IMMP2L: variants seen among roughly 807,000 people sequenced by gnomAD.
IMMP2L encodes inner mitochondrial membrane peptidase subunit 2.
Under a neutral mutation model 19.3 loss-of-function variants are expected in IMMP2L, and 18 were observed. The observed-to-expected ratio is 0.93, with a 90% CI of 0.64 to 1.38. The LOEUF (loss-of-function observed/expected upper bound fraction) is 1.38, where lower values mean the gene tolerates loss of function less well. Among genes scored for constraint, IMMP2L ranks in the 40% most tolerant of loss-of-function variants. The pLI is 0.00. For synonymous variants in IMMP2L, 76 were observed against 73.0 expected (o/e 1.04, Z -0.21); for missense variants, 233 against 218.2 (o/e 1.07, Z -0.43).
At chr7:111,559,286 T>G (rs963788071) in intron 1 of IMMP2L, among the ~76,000 whole-genome samples, 1 of 152,198 alleles carries the variant, frequency 6.6e-6, no homozygotes, top group Non-Finnish European at 1.5e-5. Context: ...AGCTGTATAT[T>G]AAATCCACAA....
At chr7:111,092,426 T>C (rs905631050) in intron 3 of IMMP2L, among the ~76,000 whole-genome samples, 4 of 152,212 alleles carry the variant, frequency 2.6e-5, no homozygotes, top group Admixed American at 1.3e-4. Flanking sequence ...TAACAATATG[T>C]CCTTGTTTCT....
chr7:111,134,762 AT>A (rs1196341887), intron 3 of IMMP2L, among the ~76,000 whole-genome samples: 1 of 152,104 alleles, frequency 6.6e-6, no homozygotes, highest in Non-Finnish European at 1.5e-5. Flanking sequence ...CAAAAAATAA[AT>A]AGGATAAAAG....
intron 1 of IMMP2L, among the ~76,000 whole-genome samples, chr7:111,526,457 T>C (rs1332912760): frequency 1.3e-5 from 2 of 152,292 alleles, no homozygotes; most frequent in Middle Eastern, 3.4e-3. Flanking sequence ...ATTTTCTTCT[T>C]TGAATTTTTG....
At chr7:111,549,401 G>T (rs1849234619) in intron 1 of IMMP2L, among the ~76,000 whole-genome samples, 1 of 152,090 alleles carries the variant, frequency 6.6e-6, no homozygotes, top group Non-Finnish European at 1.5e-5. Flanking sequence ...TGTTCACATA[G>T]GTAATAACAG....
intron 3 of IMMP2L, among the ~76,000 whole-genome samples, chr7:111,153,600 C>A (rs1203300976): frequency 6.6e-6 from 1 of 151,972 alleles, no homozygotes; most frequent in African/African-American, 2.4e-5. Flanking sequence ...TTTTTCTTTA[C>A]TTATACTGTA....
At chr7:111,056,585 G>C (rs61543979) in intron 3 of IMMP2L, among the ~76,000 whole-genome samples, 1 of 152,284 alleles carries the variant, frequency 6.6e-6, no homozygotes, top group South Asian at 2.1e-4. Flanking sequence ...TGCACTATCA[G>C]AAATCCATGT....
At chr7:110,857,165 T>C (rs2131566202) in intron 5 of IMMP2L, among the ~76,000 whole-genome samples, 1 of 152,208 alleles carries the variant, frequency 6.6e-6, no homozygotes, top group South Asian at 2.1e-4. Context: ...GTCTGATTTG[T>C]TCTAACTTGA....
chr7:111,296,631 T>C (rs1438485597), intron 3 of IMMP2L, among the ~76,000 whole-genome samples: 2 of 151,134 alleles, frequency 1.3e-5, no homozygotes, highest in Non-Finnish European at 3.0e-5. Context: ...TAAAAAAAAA[T>C]AGAAAACAAA....
chr7:111,089,190 T>C (rs924072524), intron 3 of IMMP2L, among the ~76,000 whole-genome samples: 1 of 152,126 alleles, frequency 6.6e-6, no homozygotes, highest in East Asian at 1.9e-4. Context: ...AAAAGATTTT[T>C]TCTTGATTTC....
intron 3 of IMMP2L, among the ~76,000 whole-genome samples, chr7:111,293,946 C>T (rs572196281): frequency 1.3e-5 from 2 of 152,084 alleles, no homozygotes; most frequent in South Asian, 4.1e-4. Context: ...TAGGTCATCA[C>T]TAGCATTTAT....
chr7:111,380,211 G>A (rs1317456543), intron 3 of IMMP2L, among the ~76,000 whole-genome samples: 1 of 151,684 alleles, frequency 6.6e-6, no homozygotes, highest in Non-Finnish European at 1.5e-5. Flanking sequence ...TCATATGAAG[G>A]CCCCGCCATG....
intron 3 of IMMP2L, among the ~76,000 whole-genome samples, chr7:111,180,851 A>G (rs375971561): frequency 6.6e-6 from 1 of 152,050 alleles, no homozygotes; most frequent in African/African-American, 2.4e-5. Flanking sequence ...GACAGACTGT[A>G]TATTAGGTTT....
At chr7:110,949,689 C>T (rs1217632544) in intron 4 of IMMP2L, among the ~76,000 whole-genome samples, 1 of 152,014 alleles carries the variant, frequency 6.6e-6, no homozygotes, top group Non-Finnish European at 1.5e-5. Flanking sequence ...AGCCTATATA[C>T]TGTCTGTCTT....
intron 2 of IMMP2L, among the ~76,000 whole-genome samples, chr7:111,515,698 T>C (rs1292490062): frequency 6.6e-6 from 1 of 152,288 alleles, no homozygotes; most frequent in East Asian, 1.9e-4. Context: ...ATCTGCTATA[T>C]TTCCAGATAG....
intron 3 of IMMP2L, among the ~76,000 whole-genome samples, chr7:111,199,109 T>C (rs370861773): frequency 6.6e-6 from 1 of 152,114 alleles, no homozygotes; most frequent in African/African-American, 2.4e-5. Flanking sequence ...TTAATTTACA[T>C]GTATTTGTGA....
chr7:111,326,598 A>T (rs1825341860), intron 3 of IMMP2L, among the ~76,000 whole-genome samples: 1 of 151,854 alleles, frequency 6.6e-6, no homozygotes, highest in Non-Finnish European at 1.5e-5. Context: ...AAGATGGTCA[A>T]GATCACTAAT....
rs142049880 is a variant in IMMP2L at position 111,346,439 on chromosome 7, T to G, written c.239+140799A>C. On this transcript the variant is annotated intron_variant, in intron 3 of 5. Transcript: ENST00000405709. The stretch of plus-strand genomic sequence containing the variant: ...TTCAATATGTAAGCTGACTCATATA[T>G]TCAAACTATCTATGCAATCAACATA... Among the ~76,000 whole-genome samples, 5 of 152,244 alleles carry G rather than the reference T, an allele frequency of 3.3e-5. No individual in the cohort carries two copies. In the East Asian group the frequency reaches 9.7e-4, roughly 29 times the overall value.
At chr7:111,211,399 A>C (rs1194709468) in intron 3 of IMMP2L, among the ~76,000 whole-genome samples, 2 of 152,200 alleles carry the variant, frequency 1.3e-5, no homozygotes, top group Non-Finnish European at 2.9e-5. Flanking sequence ...AGACATAAGA[A>C]AGACACTTTG....
chr7:111,142,343 A>G (rs1420646377), intron 3 of IMMP2L, among the ~76,000 whole-genome samples: 67 of 6,458 alleles, frequency 0.01, 4 homozygotes, highest in Admixed American at 0.013. Flanking sequence ...AAAAAAAAAA[A>G]GAAAGAAAGA....
Sources: allele counts gnomAD v4.1 joint callset (sites outside exome capture counted in the v4.1 genomes callset), GRCh38; gene constraint gnomAD v4.1.1; transcripts MANE v1.5; gene names NCBI Gene and HGNC (gene_info 2026-07-23, HGNC 2026-07-21).